The following DUSP5 variants were observed in gnomAD, a reference collection of about 807,000 sequenced individuals.
DUSP5 encodes dual specificity phosphatase 5, also known as dual specificity protein phosphatase 5.
Under a neutral mutation model 33.6 loss-of-function variants are expected in DUSP5, and 22 were observed. The ratio of observed to expected loss-of-function variants is 0.66; its 90% CI spans 0.47 to 0.94. The LOEUF (loss-of-function observed/expected upper bound fraction) is 0.94. Among genes scored for constraint, DUSP5 ranks in the 40% least tolerant of loss-of-function variants. The pLI, the probability that DUSP5 is intolerant of heterozygous loss-of-function variation, is 0.00. For synonymous variants in DUSP5, 270 were observed against 231.1 expected (o/e 1.17, Z -1.53); for missense variants, 551 against 522.1 (o/e 1.06, Z -0.54).
intron 1 of DUSP5, among the ~76,000 whole-genome samples, chr10:110,500,410 A>G (rs772392862): frequency 1.2e-4 from 19 of 152,244 alleles, no homozygotes; most frequent in Admixed American, 1.1e-3. Flanking sequence ...TTTAAGTTTC[A>G]GTAGAAATTG....
intron 3 of DUSP5, among the ~76,000 whole-genome samples, chr10:110,509,196 G>A (rs927957602): frequency 2.6e-5 from 4 of 152,122 alleles, no homozygotes; most frequent in Admixed American, 6.5e-5. Flanking sequence ...CTGGTTTTCT[G>A]GGGGCAGGGG....
At position 110,498,476 on chromosome 10, in the gene DUSP5, G is replaced by A; in HGVS notation, c.355G>A (p.Gly119Ser). Residue 119 changes from glycine (G) to serine (S), a missense_variant, in exon 1 of 4, where the codon GGC becomes AGC. Physicochemically the swap from Gly to Ser is moderately conservative, Grantham distance 56. Around this residue, in one of 3 missense-constraint regions of DUSP5, gnomAD observed 381 missense variants for 310.4 expected, o/e 1.23. Transcript: ENST00000369583. ...LTSLLACLPA[G>S]PRVYFLKGGY... ...CTCGCTACTCGCTTGCCTACCCGCC[G>A]GCCCGCGGGTCTACTTCCTCAAAGG... 3 of 1,542,762 alleles carry A rather than the reference G, an allele frequency of 1.9e-6. No individual in the cohort carries two copies. Among genetic ancestry groups the A allele is most frequent in the Non-Finnish European group, 2.6e-6 (3 of 1,153,854 alleles).
At chr10:110,503,000 G>C in intron 2 of DUSP5, 131 bp downstream of exon 2, 1 of 1,247,398 alleles carries the variant, frequency 8.0e-7, no homozygotes, top group Non-Finnish European at 1.1e-6. Context: ...TCAGGGTGTT[G>C]GCAAAATCCC....
Position 110,502,711 on chromosome 10 carries a change from G to T in DUSP5, c.380-10G>T, listed in dbSNP as rs1564773082. 6 of 1,609,046 alleles carry T rather than the reference G, an allele frequency of 3.7e-6. No individual in the cohort carries two copies. Among genetic ancestry groups the T allele is most frequent in the Admixed American group, 3.4e-5 (2 of 58,822 alleles). On this transcript the variant is annotated splice_polypyrimidine_tract_variant and intron_variant, in intron 1 of 3. Coordinates refer to ENST00000369583, the MANE Select transcript of DUSP5 (RefSeq NM_004419.4). Reference sequence around the variant, plus strand: ...TACCATCTGTCTCACCTTTTTGTTTGTTTTTGTAGGGGGATATGAGACTTT... The same window carrying T: ...TACCATCTGTCTCACCTTTTTGTTTTTTTTTGTAGGGGGATATGAGACTTT...
rs1223742707 is a variant in DUSP5 at position 110,497,965 on chromosome 10, A to G, written c.-157A>G. On this transcript the variant is annotated 5_prime_UTR_variant, in exon 1 of 4. Coordinates refer to ENST00000369583, the MANE Select transcript of DUSP5 (RefSeq NM_004419.4). ...TCGAGCGAGCGGGGCGGGAACGCGGAGTTGCGCCGCCGCTCGGGCGCCGGG... is the reference window on the plus strand; with the variant it reads ...TCGAGCGAGCGGGGCGGGAACGCGGGGTTGCGCCGCCGCTCGGGCGCCGGG... 6 of 450,502 alleles carry G rather than the reference A, an allele frequency of 1.3e-5. No individual in the cohort carries two copies. The highest frequency in any genetic ancestry group is 1.9e-4 in the South Asian group (2 of 10,810). 27.9% of individuals were successfully genotyped at this position (450,502 alleles called of 1,614,324 possible).
intron 1 of DUSP5, among the ~76,000 whole-genome samples, chr10:110,499,295 C>T: frequency 6.6e-6 from 1 of 152,190 alleles, no homozygotes. Context: ...GGGAAGATAA[C>T]TTTGGCTTCT....
At chr10:110,505,841 G>A (rs1419486276) in intron 2 of DUSP5, among the ~76,000 whole-genome samples, 1 of 152,134 alleles carries the variant, frequency 6.6e-6, no homozygotes, top group Non-Finnish European at 1.5e-5. Context: ...GCCTCAAGGT[G>A]GATGGTCTCT....
At chr10:110,504,143 T>G (rs1860090865) in intron 2 of DUSP5, among the ~76,000 whole-genome samples, 1 of 152,242 alleles carries the variant, frequency 6.6e-6, no homozygotes, top group Admixed American at 6.5e-5. Flanking sequence ...TTGTTTGGGT[T>G]GTGTTTTCCC....
In DUSP5 at chr10:110,506,984, A is replaced by G. The variant is rs957409739; in HGVS notation, c.578A>G (p.His193Arg). 1 of 1,614,272 alleles carries G rather than the reference A, an allele frequency of 6.2e-7. No individual in the cohort carries two copies. The change falls in exon 3 of 4, where the codon CAT becomes CGT. Residue 193 changes from histidine to arginine, a missense_variant. His to Arg is a conservative substitution (Grantham distance 29, BLOSUM62 0). This residue lies in a region of DUSP5 where 381 missense variants were observed against 310.4 expected (regional missense o/e 1.23). Coordinates refer to ENST00000369583, the MANE Select transcript of DUSP5 (RefSeq NM_004419.4). ...LPFLYLGSAY[H>R]ASKCEFLANL... ...TTCCTCTACCTTGGAAGTGCCTACC[A>G]TGCATCCAAGTGCGAGTTCCTCGCC...
intron 1 of DUSP5, among the ~76,000 whole-genome samples, chr10:110,502,482 CAAA>C (rs1474242746): frequency 6.6e-6 from 1 of 152,222 alleles, no homozygotes; most frequent in Non-Finnish European, 1.5e-5. Context: ...CTGATAGACA[CAAA>C]AAGTTAATCA....
Position 110,507,077 on chromosome 10 carries a change from A to G in DUSP5, c.671A>G (p.His224Arg), listed in dbSNP as rs113559164. ...TCCGAGGCCTGCGCGACCCACCTAC[A>G]CTACAAATGGATCCCTGTGGAAGAC... ...RTSEACATHL[H>R]YKWIPVEDSH... The change falls in exon 3 of 4, where the codon CAC becomes CGC. Residue 224 changes from histidine to arginine, a missense_variant. His to Arg is a conservative substitution (Grantham distance 29). Coordinates refer to ENST00000369583, the MANE Select transcript of DUSP5 (RefSeq NM_004419.4). The G allele has an allele frequency of 2.8e-4, 445 of 1,614,156 alleles. No homozygotes were observed. The African/African-American group carries it at 4.7e-3, about 17-fold the overall frequency.
At chr10:110,498,837 T>G (rs1013569162) in intron 1 of DUSP5, among the ~76,000 whole-genome samples, 5 of 151,914 alleles carry the variant, frequency 3.3e-5, no homozygotes, top group Non-Finnish European at 5.9e-5. Flanking sequence ...GCTTCGCCGC[T>G]GTCGCTGGGG....
chr10:110,501,836 G>C (rs1860052910), intron 1 of DUSP5, among the ~76,000 whole-genome samples: 1 of 152,122 alleles, frequency 6.6e-6, no homozygotes, highest in Non-Finnish European at 1.5e-5. Flanking sequence ...GCCCAAGAAG[G>C]CTTACTTATA....
At position 110,498,563 on chromosome 10, in the gene DUSP5, CG is replaced by C. The variant is rs1238947204; in HGVS notation, c.379+67del. On this transcript the variant is annotated intron_variant, in intron 1 of 3. Transcript: ENST00000369583. ...GCGCCCCCGGGTCCCCTCCCTGCGC[CG>C]GGGCGCCCTCCTACACCCTGGGACC... 32 of 1,369,516 alleles carry C rather than the reference CG, an allele frequency of 2.3e-5. 1 individual carries two copies. The Admixed American group carries it at 9.9e-4, about 42-fold the overall frequency. The allele number at this position is 1,369,516 out of a possible 1,614,324, so 84.8% of individuals were successfully genotyped here.
chr10:110,498,473 GC>G lies in DUSP5; in HGVS notation c.354del (p.Gly119AlafsTer25). 6.5e-7 allele frequency: 1 copy of G among 1,543,126 alleles called. No individual in the cohort carries two copies. The highest frequency in any genetic ancestry group is 8.7e-7 in the Non-Finnish European group (1 of 1,154,040). ...CACCTCGCTACTCGCTTGCCTACCC[GC>G]CGGCCCGCGGGTCTACTTCCTCAAA... is the stretch of plus-strand genomic sequence containing the variant. ...VLTSLLACLP[A>X]GPRVYFLKGG... On this transcript the variant is annotated frameshift_variant, in exon 1 of 4. Coordinates refer to ENST00000369583, the MANE Select transcript of DUSP5 (RefSeq NM_004419.4). LOFTEE classifies it high-confidence loss of function.
At chr10:110,504,123 TTTTG>T (rs1272048933) in intron 2 of DUSP5, among the ~76,000 whole-genome samples, 20 of 152,334 alleles carry the variant, frequency 1.3e-4, no homozygotes, top group African/African-American at 4.3e-4. Context: ...AGATTTCTAC[TTTTG>T]TTTGTTTGTT....
Position 110,502,728 on chromosome 10 carries a change from T to C in DUSP5, c.387T>C (p.Tyr129=), listed in dbSNP as rs1412650698. 4 of 1,613,782 alleles carry C rather than the reference T, an allele frequency of 2.5e-6. No homozygotes were observed. The highest frequency in any genetic ancestry group is 3.4e-6 in the Non-Finnish European group (4 of 1,179,776). ...GPRVYFLKGG[Y]ETFYSEYPEC... ...TTTTGTTTGTTTTTGTAGGGGGATA[T>C]GAGACTTTCTACTCGGAATATCCTG... The change falls in exon 2 of 4, where the codon TAT becomes TAC. Residue 129 remains tyrosine (Y), a synonymous_variant. Transcript: ENST00000369583.
chr10:110,508,326 C>T (rs1048236385), intron 3 of DUSP5, among the ~76,000 whole-genome samples: 1 of 152,118 alleles, frequency 6.6e-6, no homozygotes, highest in African/African-American at 2.4e-5. Flanking sequence ...GAATGCCTTG[C>T]CCTTCTCAGC....
In DUSP5 at chr10:110,510,513, C is replaced by G. The variant is rs191238050; in HGVS notation, c.*87C>G. The G allele has an allele frequency of 2.8e-6, 4 of 1,412,306 alleles. No homozygotes were observed. The highest frequency in any genetic ancestry group is 3.7e-6 in the Non-Finnish European group (4 of 1,071,558). The allele number at this position is 1,412,306 out of a possible 1,614,324, so 87.5% of individuals were successfully genotyped here. ...ATGGACATTTCATACCTGTGCAATACTGAAGACCTCATTCTGTCATGCTGC... is the reference window on the plus strand; with the variant it reads ...ATGGACATTTCATACCTGTGCAATAGTGAAGACCTCATTCTGTCATGCTGC... On this transcript the variant is annotated 3_prime_UTR_variant, in exon 4 of 4. Transcript: ENST00000369583.
Sources: allele counts gnomAD v4.1 joint callset (sites outside exome capture counted in the v4.1 genomes callset), GRCh38; gene constraint gnomAD v4.1.1; regional missense constraint gnomAD v4.1.1; transcripts MANE v1.5; gene names NCBI Gene and HGNC (gene_info 2026-07-23, HGNC 2026-07-21).